IFFO2: variants seen among roughly 807,000 people sequenced by gnomAD.
The protein encoded by IFFO2 is intermediate filament family orphan 2.
IFFO2 carries 19 observed loss-of-function variants against 53.5 expected under a neutral mutation model. The observed-to-expected ratio is 0.36, with a 90% CI of 0.25 to 0.52. IFFO2 has a LOEUF of 0.52. IFFO2 is among the 20% of genes least tolerant of loss of function. The pLI, the probability that IFFO2 is intolerant of heterozygous loss-of-function variation, is 0.94. For missense variants in IFFO2, 570 were observed against 727.4 expected (o/e 0.78, Z 2.49); for synonymous variants, 303 against 313.6 (o/e 0.97, Z 0.36).
chr1:18,940,007 T>C (rs1323536635), intron 1 of IFFO2, among the ~76,000 whole-genome samples: 4 of 152,172 alleles, frequency 2.6e-5, no homozygotes, highest in Admixed American at 2.6e-4. Flanking sequence ...TAGGGTAAAG[T>C]AAACAGGGCC....
intron 8 of IFFO2, among the ~76,000 whole-genome samples, 151 bp downstream of exon 8, chr1:18,910,187 CTGGA>C (rs60534604): frequency 0.062 from 9,465 of 151,760 alleles, 588 homozygotes; most frequent in East Asian, 0.2. Context: ...CTAATAGTCA[CTGGA>C]TGGATGGATG....
intron 5 of IFFO2, among the ~76,000 whole-genome samples, chr1:18,913,704 C>G (rs1936079732): frequency 6.6e-6 from 1 of 152,226 alleles, no homozygotes; most frequent in Non-Finnish European, 1.5e-5. Context: ...GTGGAGATGT[C>G]CATGGGAAAG....
chr1:18,927,277 G>A (rs757991134), intron 1 of IFFO2, among the ~76,000 whole-genome samples: 24 of 152,306 alleles, frequency 1.6e-4, no homozygotes, highest in Non-Finnish European at 2.6e-4. Context: ...GCGGGAAGGC[G>A]AGCGGCCGGC....
chr1:18,911,642 G>A (rs531212835), intron 6 of IFFO2, among the ~76,000 whole-genome samples, 166 bp from the exon 7 acceptor site: 5 of 152,088 alleles, frequency 3.3e-5, no homozygotes, highest in East Asian at 1.9e-4. Context: ...GAATTCAAGC[G>A]ATTCTCCTGC....
At position 18,910,480 on chromosome 1, in the gene IFFO2, G is replaced by A. The variant is rs772687367; in HGVS notation, c.1318-8C>T. ...GGCTGTGGCCAGCTCGAGCTGGGAG[G>A]AACCAATGAGGAATAAGGGTGAGGG... On this transcript the variant is annotated splice_region_variant and splice_polypyrimidine_tract_variant and intron_variant, in intron 7 of 8. Coordinates refer to ENST00000455833, the MANE Select transcript of IFFO2 (RefSeq NM_001136265.2). The A allele has an allele frequency of 1.2e-6, 2 of 1,607,582 alleles. No individual in the cohort carries two copies. Among genetic ancestry groups the A allele is most frequent in the Admixed American group, 1.7e-5 (1 of 59,030 alleles).
intron 5 of IFFO2, among the ~76,000 whole-genome samples, chr1:18,912,980 C>T (rs114267820): frequency 1.3e-3 from 201 of 152,346 alleles, no homozygotes; most frequent in Non-Finnish European, 1.7e-3. Context: ...ACCCCTATTT[C>T]CAAGGGGAAG....
At chr1:18,914,841 GC>G (rs1383768753) in intron 5 of IFFO2, among the ~76,000 whole-genome samples, 1 of 128,184 alleles carries the variant, frequency 7.8e-6, no homozygotes, top group Non-Finnish European at 1.6e-5. Flanking sequence ...AAAAAAAAAA[GC>G]CCCTCTTGGC....
intron 2 of IFFO2, among the ~76,000 whole-genome samples, chr1:18,920,274 A>G (rs1183732641): frequency 6.6e-6 from 1 of 152,166 alleles, no homozygotes; most frequent in Non-Finnish European, 1.5e-5. Context: ...TTGACGATGA[A>G]CCCGTTAAAT....
At chr1:18,951,400 G>A (rs1404190737) in intron 1 of IFFO2, among the ~76,000 whole-genome samples, 1 of 152,186 alleles carries the variant, frequency 6.6e-6, no homozygotes, top group Non-Finnish European at 1.5e-5. Context: ...AAGAAACCTA[G>A]CCTCCAGGCT....
At chr1:18,924,629 T>C (rs977857665) in intron 1 of IFFO2, among the ~76,000 whole-genome samples, 7 of 152,168 alleles carry the variant, frequency 4.6e-5, no homozygotes, top group African/African-American at 1.7e-4. Flanking sequence ...AGCGCCTGGA[T>C]TCGAACCCAG....
At position 18,954,893 on chromosome 1, in the gene IFFO2, A is replaced by G. The variant is rs533185646; in HGVS notation, c.665+775T>C. Reference sequence around the variant, plus strand: ...CATTATCTTCTCCTGGGGGCTTTTAAGGCTGAGTTTGTTAGGGCTCAATAA... The same window carrying G: ...CATTATCTTCTCCTGGGGGCTTTTAGGGCTGAGTTTGTTAGGGCTCAATAA... On this transcript the variant is annotated intron_variant, in intron 1 of 8. Transcript: ENST00000455833. Among the ~76,000 whole-genome samples the G allele has an allele frequency of 4.6e-5, 7 of 152,306 alleles. No individual in the cohort carries two copies. In the South Asian group the frequency reaches 1.5e-3, roughly 32 times the overall value.
intron 1 of IFFO2, among the ~76,000 whole-genome samples, chr1:18,943,189 A>T (rs1936542499): frequency 6.6e-6 from 1 of 152,074 alleles, no homozygotes; most frequent in African/African-American, 2.4e-5. Context: ...CAACATAGCG[A>T]GACCCCTATC....
chr1:18,956,095 G>A lies in IFFO2; in HGVS notation c.238C>T (p.Leu80=). 6.7e-7 allele frequency: 1 copy of A among 1,503,562 alleles called. No homozygotes were observed. Among genetic ancestry groups the A allele is most frequent in the Non-Finnish European group, 8.9e-7 (1 of 1,118,460 alleles). The allele number at this position is 1,503,562 out of a possible 1,614,324, so 93.1% of individuals were successfully genotyped here. A position where few individuals can be genotyped will look rare whatever the true frequency, so the allele number is the denominator to read the frequency against. ...TGCTGCTCCAGCTGCTTCTCCAGCAGCCGGTTGCGCCGCTCCAGCTCGTGC... is the reference window on the plus strand; with the variant it reads ...TGCTGCTCCAGCTGCTTCTCCAGCAACCGGTTGCGCCGCTCCAGCTCGTGC... ...KVHELERRNR[L]LEKQLEQQQS... is the part of the protein sequence containing the mutation. The change falls in exon 1 of 9, where the codon CTG becomes TTG. Residue 80 remains leucine, a synonymous_variant. Transcript: ENST00000455833. This position sits in a 1 kb window ranked among gnomAD's most constrained non-coding sequence, Gnocchi z 6.4.
At chr1:18,943,587 C>T (rs771645055) in intron 1 of IFFO2, among the ~76,000 whole-genome samples, 6 of 152,204 alleles carry the variant, frequency 3.9e-5, no homozygotes, top group Non-Finnish European at 5.9e-5. Context: ...GACAGGGCAG[C>T]CTTTCCTGAA....
At chr1:18,952,948 CA>C (rs1222631437) in intron 1 of IFFO2, among the ~76,000 whole-genome samples, 2 of 152,248 alleles carry the variant, frequency 1.3e-5, no homozygotes, top group East Asian at 3.8e-4. Flanking sequence ...TGGAACTCAA[CA>C]AGCGTCCGGC....
intron 1 of IFFO2, among the ~76,000 whole-genome samples, chr1:18,933,954 C>CACCCTTCTACT (rs1936412023): frequency 6.6e-6 from 1 of 151,998 alleles, no homozygotes; most frequent in Non-Finnish European, 1.5e-5. Flanking sequence ...CCCTGGCAAC[C>CACCCTTCTACT]ACCCTTCTAC....
chr1:18,943,347 T>C (rs1569862623), intron 1 of IFFO2, among the ~76,000 whole-genome samples: 1 of 152,090 alleles, frequency 6.6e-6, no homozygotes, highest in East Asian at 1.9e-4. Context: ...TCAACAGCAC[T>C]CCAGGCAGGG....
intron 1 of IFFO2, among the ~76,000 whole-genome samples, chr1:18,926,937 G>A (rs1156722269): frequency 6.6e-6 from 1 of 152,168 alleles, no homozygotes; most frequent in Non-Finnish European, 1.5e-5. Flanking sequence ...AAGCCCTCCA[G>A]GGACGAACCT....
At chr1:18,945,268 C>G (rs150100511) in intron 1 of IFFO2, among the ~76,000 whole-genome samples, 1 of 152,042 alleles carries the variant, frequency 6.6e-6, no homozygotes, top group African/African-American at 2.4e-5. Context: ...ACTCTCTGGT[C>G]GTGACTTTGC....
Sources: allele counts gnomAD v4.1 joint callset (sites outside exome capture counted in the v4.1 genomes callset), GRCh38; gene constraint gnomAD v4.1.1; non-coding constraint Gnocchi (gnomAD v3.1); transcripts MANE v1.5; gene names NCBI Gene and HGNC (gene_info 2026-07-23, HGNC 2026-07-21).